Variants in RAPGEF5 observed in about 807,000 individuals in gnomAD.
RAPGEF5 encodes the protein Rap guanine nucleotide exchange factor 5, also known as M-Ras-regulated GEF.
Under a neutral mutation model 125.2 loss-of-function variants are expected in RAPGEF5, and 65 were observed. The ratio of observed to expected loss-of-function variants is 0.52; its 90% CI spans 0.43 to 0.64. The LOEUF (loss-of-function observed/expected upper bound fraction) is 0.64. Ranked by LOEUF, RAPGEF5 falls within the 30% of genes least tolerant of loss-of-function variation. The probability of loss-of-function intolerance (pLI) is 0.00; values close to 1 mark genes in which losing one functional copy is unlikely to be tolerated. For missense variants in RAPGEF5, 958 were observed against 1,048.1 expected, an observed-to-expected ratio of 0.91 and a Z score of 1.19; for synonymous variants, 391 against 385.9, an observed-to-expected ratio of 1.01 and a Z score of -0.16.
chr7:22,171,342 G>A (rs1374952821), intron 11 of RAPGEF5, among the ~76,000 whole-genome samples: 1 of 152,136 alleles, frequency 6.6e-6, no homozygotes, highest in Non-Finnish European at 1.5e-5. Flanking sequence ...AGAAAAGCAT[G>A]TTTGTATACA....
chr7:22,244,382 C>T (rs1459246909), intron 7 of RAPGEF5, among the ~76,000 whole-genome samples: 3 of 152,082 alleles, frequency 2.0e-5, no homozygotes, highest in South Asian at 2.1e-4. Flanking sequence ...AGGAGGTGAG[C>T]GGTGGGTGAG....
intron 5 of RAPGEF5, among the ~76,000 whole-genome samples, 163 bp from the exon 6 acceptor site, chr7:22,291,404 C>G (rs1782932764): frequency 6.6e-6 from 1 of 152,296 alleles, no homozygotes; most frequent in South Asian, 2.1e-4. Flanking sequence ...GGAACATAAT[C>G]CTCTTGCAGG....
chr7:22,147,237 C>T lies in RAPGEF5; in HGVS notation c.1885-218G>A, dbSNP rs577903434. On this transcript the variant is annotated intron_variant, in intron 18 of 25. Coordinates refer to ENST00000665637, the MANE Select transcript of RAPGEF5 (RefSeq NM_012294.5). Reference sequence around the variant, plus strand: ...GTGATCAATGATACTTCAGTGAGTTCGCCCGCTCCTCCCCCATCTCTCTCC... The same window carrying T: ...GTGATCAATGATACTTCAGTGAGTTTGCCCGCTCCTCCCCCATCTCTCTCC... 7.2e-5 allele frequency among the ~76,000 whole-genome samples: 11 copies of T among 152,308 alleles called. No individual in the cohort carries two copies. The East Asian group carries it at 1.5e-3, about 21-fold the overall frequency.
At chr7:22,323,666 G>C (rs1783758773) in intron 1 of RAPGEF5, among the ~76,000 whole-genome samples, 1 of 152,160 alleles carries the variant, frequency 6.6e-6, no homozygotes, top group Non-Finnish European at 1.5e-5. Flanking sequence ...AACTCATCCA[G>C]TCATACCTGG....
In RAPGEF5 at chr7:22,235,074, C is replaced by G. The variant is rs145043685; in HGVS notation, c.797-4155G>C. ...ATTTCTTTAAAAAAATCTTACAAAC[C>G]AACCCCAAAGATGACTACAGATAGA... On this transcript the variant is annotated intron_variant, in intron 7 of 25. Coordinates refer to ENST00000665637, the MANE Select transcript of RAPGEF5 (RefSeq NM_012294.5). 2.7e-3 allele frequency among the ~76,000 whole-genome samples: 404 copies of G among 152,204 alleles called. 3 individuals are homozygous for G. Among genetic ancestry groups the G allele is most frequent in the African/African-American group, 9.5e-3 (393 of 41,520 alleles).
intron 1 of RAPGEF5, among the ~76,000 whole-genome samples, chr7:22,351,249 A>G (rs1382259172): frequency 2.0e-5 from 3 of 152,220 alleles, no homozygotes; most frequent in African/African-American, 7.2e-5. Context: ...TTTCGCCTAT[A>G]ACCACAATGC....
At chr7:22,182,271 C>A (rs1032200405) in intron 11 of RAPGEF5, among the ~76,000 whole-genome samples, 1 of 152,122 alleles carries the variant, frequency 6.6e-6, no homozygotes, top group African/African-American at 2.4e-5. Context: ...GAGAGAGAAA[C>A]ACAGAAAGAG....
At chr7:22,185,672 G>C (rs1009550378) in intron 11 of RAPGEF5, among the ~76,000 whole-genome samples, 2 of 152,054 alleles carry the variant, frequency 1.3e-5, no homozygotes, top group African/African-American at 4.8e-5. Context: ...ACCATTTTGG[G>C]GATTTGTACT....
intron 6 of RAPGEF5, among the ~76,000 whole-genome samples, chr7:22,279,883 G>A (rs755427589): frequency 4.6e-5 from 7 of 152,194 alleles, no homozygotes; most frequent in Non-Finnish European, 5.9e-5. Context: ...GGCAAATGGG[G>A]CACATGGAGG....
intron 8 of RAPGEF5, among the ~76,000 whole-genome samples, chr7:22,223,738 C>T (rs886873894): frequency 1.3e-5 from 2 of 151,988 alleles, no homozygotes; most frequent in Admixed American, 6.6e-5. Flanking sequence ...TATGCAGGTA[C>T]GTTGGCATAT....
intron 1 of RAPGEF5, among the ~76,000 whole-genome samples, chr7:22,351,160 T>C (rs547169968): frequency 5.3e-5 from 8 of 152,320 alleles, no homozygotes; most frequent in East Asian, 1.9e-4. Flanking sequence ...TGTTTGTTTG[T>C]TTTTTGTAGC....
At chr7:22,187,967 C>T (rs1309234249) in intron 11 of RAPGEF5, among the ~76,000 whole-genome samples, 1 of 152,206 alleles carries the variant, frequency 6.6e-6, no homozygotes, top group Non-Finnish European at 1.5e-5. Context: ...CTGGACATTG[C>T]TGTTTTGTTA....
intron 1 of RAPGEF5, among the ~76,000 whole-genome samples, chr7:22,322,076 T>G (rs986164321): frequency 6.6e-6 from 1 of 152,122 alleles, no homozygotes; most frequent in Admixed American, 6.5e-5. Flanking sequence ...TAAGTAATAG[T>G]AACTGAGTTT....
intron 7 of RAPGEF5, among the ~76,000 whole-genome samples, chr7:22,243,445 G>A (rs1301079355): frequency 1.3e-5 from 2 of 151,922 alleles, no homozygotes; most frequent in Non-Finnish European, 2.9e-5. Context: ...TAATAGAGAT[G>A]GGGTTTCACC....
At chr7:22,172,988 G>C (rs374752490) in intron 11 of RAPGEF5, among the ~76,000 whole-genome samples, 2 of 152,292 alleles carry the variant, frequency 1.3e-5, no homozygotes, top group Admixed American at 1.3e-4. Flanking sequence ...CAACATTTCT[G>C]TATTAACTCA....
intron 11 of RAPGEF5, among the ~76,000 whole-genome samples, chr7:22,172,632 G>A (rs1429832759): frequency 6.6e-6 from 1 of 152,008 alleles, no homozygotes; most frequent in Non-Finnish European, 1.5e-5. Context: ...TAAGAGGTTT[G>A]GTACAGACCA....
At chr7:22,239,498 A>T (rs1295854111) in intron 7 of RAPGEF5, among the ~76,000 whole-genome samples, 1 of 152,176 alleles carries the variant, frequency 6.6e-6, no homozygotes, top group East Asian at 1.9e-4. Context: ...CATGCTCAGC[A>T]CACTTGACAA....
intron 6 of RAPGEF5, among the ~76,000 whole-genome samples, chr7:22,274,599 G>C (rs903065963): frequency 1.3e-5 from 2 of 152,150 alleles, no homozygotes; most frequent in Admixed American, 1.3e-4. Context: ...TAAAGTACTG[G>C]GATTACAGCA....
intron 9 of RAPGEF5, among the ~76,000 whole-genome samples, chr7:22,216,444 T>C (rs1225924922): frequency 2.0e-5 from 3 of 152,168 alleles, no homozygotes. Context: ...TATCTTCCCA[T>C]GGGTCCCTCT....
Sources: gnomAD v4.1 joint callset for allele counts (sites outside exome capture counted in the v4.1 genomes callset) on GRCh38, gnomAD v4.1.1 for gene constraint, MANE v1.5 for transcripts, NCBI Gene and HGNC (gene_info 2026-07-23, HGNC 2026-07-21) for gene names.